PCDHGA4: variants seen among roughly 807,000 people sequenced by gnomAD.
PCDHGA4 encodes the protein protocadherin gamma-A4.
Under a neutral mutation model 54.6 loss-of-function variants are expected in PCDHGA4, and 38 were observed. The ratio of observed to expected loss-of-function variants is 0.70; its 90% CI spans 0.54 to 0.91. PCDHGA4 has a LOEUF of 0.91. Among genes scored for constraint, PCDHGA4 ranks in the 40% least tolerant of loss-of-function variants. PCDHGA4 has a pLI of 0.00. For missense variants in PCDHGA4, 1,298 were observed against 1,220.9 expected, an observed-to-expected ratio of 1.06 and a Z score of -0.94; for synonymous variants, 511 against 512.9, an observed-to-expected ratio of 1.00 and a Z score of 0.05.
At chr5:141,430,715 A>T in intron 1 of PCDHGA4, 1 of 1,483,384 alleles carries the variant, frequency 6.7e-7, no homozygotes, top group Non-Finnish European at 8.9e-7. Context: ...TCCTGACTTC[A>T]GTGGTTAAGG....
At position 141,382,899 on chromosome 5, in the gene PCDHGA4, T is replaced by C. The variant is rs148952660; in HGVS notation, c.2514+25278T>C. On this transcript the variant is annotated intron_variant, in intron 1 of 3. Transcript: ENST00000571252. ...GCCTAAGCAAGAGAAGCAGGACGAC[T>C]ATGGCGGCTCAGCCGAGGGGCGGGG... 463 of 1,541,826 alleles carry C rather than the reference T, an allele frequency of 3.0e-4. 2 individuals carry two copies. In the African/African-American group the frequency reaches 5.3e-3, roughly 18 times the overall value.
chr5:141,434,481 A>G (rs2097697198), intron 1 of PCDHGA4, among the ~76,000 whole-genome samples: 1 of 152,246 alleles, frequency 6.6e-6, no homozygotes, highest in Non-Finnish European at 1.5e-5. Context: ...GGCAAGGAAC[A>G]CCTGGCCCGC....
At chr5:141,446,697 C>T (rs1254994356) in intron 1 of PCDHGA4, among the ~76,000 whole-genome samples, 9 of 152,134 alleles carry the variant, frequency 5.9e-5, no homozygotes, top group Admixed American at 5.9e-4. Context: ...AGGCTGGTCT[C>T]GAACTCTGAT....
At chr5:141,421,512 G>A in intron 1 of PCDHGA4, 1 of 1,614,094 alleles carries the variant, frequency 6.2e-7, no homozygotes, top group Non-Finnish European at 8.5e-7. Flanking sequence ...ACCGGGAGGA[G>A]CTCTGTGAGA....
At chr5:141,415,153 G>A in intron 1 of PCDHGA4, 4 of 1,613,780 alleles carry the variant, frequency 2.5e-6, no homozygotes, top group South Asian at 2.2e-5. Flanking sequence ...CCCTCTCTCC[G>A]CCACTGTCAC....
intron 1 of PCDHGA4, chr5:141,382,673 A>G: frequency 2.3e-6 from 1 of 437,012 alleles, no homozygotes; most frequent in Non-Finnish European, 4.0e-6. Context: ...GCCGCTGTTC[A>G]CCAACCAGGG....
intron 1 of PCDHGA4, chr5:141,395,547 TGTG>T (rs1561655259): frequency 0.04 from 6,887 of 174,198 alleles, 418 homozygotes; most frequent in African/African-American, 0.079. Context: ...ATTGTTTGTG[TGTG>T]TGTGTGTGTG....
chr5:141,471,630 G>T (rs2099261496), intron 1 of PCDHGA4: 1 of 152,108 alleles, frequency 6.6e-6, no homozygotes, highest in African/African-American at 2.4e-5. Context: ...GCATTGGTAT[G>T]GATTAGTAAT....
chr5:141,407,478 A>G (rs1230151085), intron 1 of PCDHGA4, among the ~76,000 whole-genome samples: 1 of 144,006 alleles, frequency 6.9e-6, no homozygotes, highest in Non-Finnish European at 1.6e-5. Flanking sequence ...TGAATGGAGT[A>G]TGGAAAATCT....
chr5:141,399,972 G>A, intron 1 of PCDHGA4: 1 of 1,612,256 alleles, frequency 6.2e-7, no homozygotes. Flanking sequence ...TCTTCAGCCT[G>A]GGGCTGCGCA....
rs750967343 is a variant in PCDHGA4 at position 141,357,091 on chromosome 5, G to A, written c.1984G>A (p.Ala662Thr). Residue 662 changes from alanine (A) to threonine (T), a missense_variant, in exon 1 of 4, where the codon GCC becomes ACC. Physicochemically the swap from Ala to Thr is moderately conservative, Grantham distance 58 (BLOSUM62 0). Transcript: ENST00000571252. ...LHTGEVRTARALLDRDALKQR... is the reference protein window; with the variant it reads ...LHTGEVRTARTLLDRDALKQR... ...CACAGGCGAGGTGCGCACCGCACGG[G>A]CCCTGCTGGACAGAGACGCGCTCAA... is the stretch of plus-strand genomic sequence containing the variant. 18 of 1,613,788 alleles carry A rather than the reference G, an allele frequency of 1.1e-5. No homozygotes were observed. The highest frequency in any genetic ancestry group is 8.8e-5 in the South Asian group (8 of 91,090).
rs373421472 is a variant in PCDHGA4, at chr5:141,472,201, A to G, written c.2515-22606A>G. ...GTATTGGAATTTGAATCTTTTTGAC[A>G]CTAAGACCTTACTCTCGATCATATA... is the stretch of plus-strand genomic sequence containing the variant. On this transcript the variant is annotated intron_variant, in intron 1 of 3. Coordinates refer to ENST00000571252, the MANE Select transcript of PCDHGA4 (RefSeq NM_018917.4). Among the ~76,000 whole-genome samples the G allele has an allele frequency of 5.6e-4, 86 of 152,320 alleles. 2 individuals are homozygous for G. The South Asian group carries it at 0.017, about 30-fold the overall frequency.
chr5:141,507,487 G>A (rs889348168), intron 3 of PCDHGA4, among the ~76,000 whole-genome samples: 1 of 152,204 alleles, frequency 6.6e-6, no homozygotes, highest in African/African-American at 2.4e-5. Context: ...GCCTCCTGAG[G>A]CAGAGCTGTC....
chr5:141,432,449 T>C lies in PCDHGA4; in HGVS notation c.2515-62358T>C. 5.6e-6 allele frequency: 9 copies of C among 1,614,220 alleles called. No individual in the cohort carries two copies. The highest frequency in any genetic ancestry group is 7.6e-6 in the Non-Finnish European group (9 of 1,180,038). On this transcript the variant is annotated intron_variant, in intron 1 of 3. Coordinates refer to ENST00000571252, the MANE Select transcript of PCDHGA4 (RefSeq NM_018917.4). The surrounding 1 kb of genome is among the most constrained non-coding windows in gnomAD (Gnocchi z 6.0). The stretch of plus-strand genomic sequence containing the variant: ...GAACGACAATGCGCCCGAGATCCTG[T>C]ACCCCGCCCTCCCCACGGACGGTTC...
intron 1 of PCDHGA4, among the ~76,000 whole-genome samples, chr5:141,433,752 G>A (rs975941520): frequency 6.6e-6 from 1 of 151,206 alleles, no homozygotes; most frequent in Non-Finnish European, 1.5e-5. Context: ...CAGGAGAATT[G>A]CTTTAACCTG....
intron 1 of PCDHGA4, chr5:141,417,652 GCCTGGGATTC>G: frequency 2.4e-6 from 2 of 840,506 alleles, no homozygotes; most frequent in Non-Finnish European, 3.5e-6. Context: ...TCAGCCTCTA[GCCTGGGATTC>G]CCTGCGCAGC....
intron 1 of PCDHGA4, among the ~76,000 whole-genome samples, chr5:141,381,815 T>A (rs1721316177): frequency 7.0e-6 from 1 of 142,092 alleles, no homozygotes; most frequent in South Asian, 2.2e-4. Flanking sequence ...TTTCTTTCTT[T>A]CTTTCTTCTT....
At chr5:141,363,105 T>C (rs542430438) in intron 1 of PCDHGA4, among the ~76,000 whole-genome samples, 1 of 152,370 alleles carries the variant, frequency 6.6e-6, no homozygotes, top group African/African-American at 2.4e-5. Context: ...CAGGCAATGT[T>C]TGAGGTCTGA....
rs1395688351 is a variant in PCDHGA4 at position 141,485,907 on chromosome 5, C to A, written c.2515-8900C>A. On this transcript the variant is annotated intron_variant, in intron 1 of 3. Coordinates refer to ENST00000571252, the MANE Select transcript of PCDHGA4 (RefSeq NM_018917.4). The surrounding 1 kb of genome is among the most constrained non-coding windows in gnomAD (Gnocchi z 5.7). ...GACAACGCCCCAGCCTTCCAGCAAT[C>A]CAGCTACAGGATTAGTGTGTTGGAG... is the stretch of plus-strand genomic sequence containing the variant. 6.2e-7 allele frequency: 1 copy of A among 1,614,176 alleles called. No homozygotes were observed.
Sources: gnomAD v4.1 joint callset for allele counts (sites outside exome capture counted in the v4.1 genomes callset) on GRCh38, gnomAD v4.1.1 for gene constraint, Gnocchi (gnomAD v3.1) non-coding constraint, MANE v1.5 for transcripts, NCBI Gene and HGNC (gene_info 2026-07-23, HGNC 2026-07-21) for gene names.